SPAG1: variants seen among roughly 807,000 people sequenced by gnomAD.
The protein encoded by SPAG1 is sperm associated antigen 1.
In SPAG1, 69 loss-of-function variants were observed where a neutral mutation model predicts 100.5. That is an observed-to-expected ratio of 0.69 (90% CI 0.57 to 0.84). The LOEUF (loss-of-function observed/expected upper bound fraction) is 0.84, where lower values mean the gene tolerates loss of function less well. Among genes scored for constraint, SPAG1 ranks in the 40% least tolerant of loss-of-function variants. The pLI, the probability that SPAG1 is intolerant of heterozygous loss-of-function variation, is 0.00. For missense variants in SPAG1, 955 were observed against 1,133.1 expected (o/e 0.84, Z 2.26); for synonymous variants, 336 against 411.6 (o/e 0.82, Z 2.22).
chr8:100,162,523 C>T (rs1320142025), intron 2 of SPAG1, 103 bp downstream of exon 2: 2 of 981,416 alleles, frequency 2.0e-6, no homozygotes, highest in Non-Finnish European at 2.9e-6. Context: ...TGTTTTTGCC[C>T]ATGCATGGTA....
Position 100,212,959 on chromosome 8 carries a change from C to T in SPAG1, c.1097-131C>T, listed in dbSNP as rs568522313. ...GGTCCGGCAGCACAGGCTCCGCCCG[C>T]AGGGGCGGTGCCCGAGCCGGCTTCC... is the stretch of plus-strand genomic sequence containing the variant. On this transcript the variant is annotated intron_variant, in intron 10 of 18. Transcript: ENST00000388798. 1.9e-5 allele frequency: 13 copies of T among 673,314 alleles called. No individual in the cohort carries two copies. In the South Asian group the frequency reaches 3.1e-4, roughly 16 times the overall value. 41.7% of individuals were successfully genotyped at this position (673,314 alleles called of 1,614,324 possible).
chr8:100,202,544 A>G (rs1817325248), intron 10 of SPAG1, among the ~76,000 whole-genome samples: 1 of 150,204 alleles, frequency 6.7e-6, no homozygotes, highest in Admixed American at 6.6e-5. Context: ...CCCCGTCTCT[A>G]CTAAAAATAC....
At chr8:100,188,462 A>C (rs559560623) in intron 8 of SPAG1, among the ~76,000 whole-genome samples, 3 of 152,264 alleles carry the variant, frequency 2.0e-5, no homozygotes, top group Non-Finnish European at 4.4e-5. Context: ...GCCTGCTATA[A>C]ATAATTTAAT....
intron 10 of SPAG1, among the ~76,000 whole-genome samples, chr8:100,202,537 C>T (rs866704976): frequency 6.7e-6 from 1 of 149,656 alleles, no homozygotes; most frequent in Non-Finnish European, 1.5e-5. Context: ...GGTGAAACCC[C>T]GTCTCTACTA....
At chr8:100,212,960 AGGGGCGGTGCCC>A (rs1817782363) in intron 10 of SPAG1, 118 bp from the exon 11 acceptor site, 1 of 666,900 alleles carries the variant, frequency 1.5e-6, no homozygotes, top group African/African-American at 2.0e-5. Context: ...CTCCGCCCGC[AGGGGCGGTGCCC>A]GAGCCGGCTT....
At chr8:100,213,479 C>T (rs1413892761) in intron 11 of SPAG1, 51 bp downstream of exon 11, 1 of 1,333,946 alleles carries the variant, frequency 7.5e-7, no homozygotes, top group Non-Finnish European at 9.6e-7. Flanking sequence ...CTGCGGTTCA[C>T]CCGACCTCCG....
chr8:100,168,892 G>T (rs1010004631), intron 3 of SPAG1, among the ~76,000 whole-genome samples: 1 of 151,748 alleles, frequency 6.6e-6, no homozygotes, highest in African/African-American at 2.4e-5. Context: ...TCTCCATGTT[G>T]GTCAGGCTGG....
chr8:100,225,009 CTT>C (rs1818443776), intron 13 of SPAG1, among the ~76,000 whole-genome samples, 162 bp from the exon 14 acceptor site: 1 of 152,016 alleles, frequency 6.6e-6, no homozygotes, highest in Admixed American at 6.6e-5. Context: ...TTGTAAATAT[CTT>C]TTTGAAAACA....
intron 14 of SPAG1, among the ~76,000 whole-genome samples, chr8:100,229,934 G>A (rs1818689598): frequency 6.6e-6 from 1 of 152,138 alleles, no homozygotes; most frequent in Non-Finnish European, 1.5e-5. Flanking sequence ...TGCTCTGATG[G>A]CCCCATTTTC....
rs1817827349 is a variant in SPAG1 at position 100,213,417 on chromosome 8, T to C, written c.1424T>C (p.Leu475Pro). Reference sequence around the variant, plus strand: ...AAGTACTCGGCGGCAATCGCGCTCCTGGAGCCAGCAGGTAGGTGCGCCGCG... The same window carrying C: ...AAGTACTCGGCGGCAATCGCGCTCCCGGAGCCAGCAGGTAGGTGCGCCGCG... ...AGKYSAAIAL[L>P]EPAGSEIADD... Residue 475 changes from leucine (L) to proline (P), a missense_variant, in exon 11 of 19, where the codon CTG (leucine) becomes CCG (proline). Physicochemically the swap from Leu to Pro is moderately conservative, Grantham distance 98. Coordinates refer to ENST00000388798, the MANE Select transcript of SPAG1 (RefSeq NM_003114.5). 2 of 1,424,628 alleles carry C rather than the reference T, an allele frequency of 1.4e-6. No homozygotes were observed. The highest frequency in any genetic ancestry group is 1.5e-5 in the South Asian group (1 of 68,826). 88.2% of individuals were successfully genotyped at this position (1,424,628 alleles called of 1,614,324 possible). A position where few individuals can be genotyped will look rare whatever the true frequency, so the allele number is the denominator to read the frequency against.
chr8:100,239,342 C>T lies in SPAG1; in HGVS notation c.2218C>T (p.Leu740Phe), dbSNP rs544402046. The T allele has an allele frequency of 2.5e-6, 4 of 1,588,310 alleles. No individual in the cohort carries two copies. The East Asian group carries it at 6.8e-5, about 27-fold the overall frequency. ...ELEEVTRLLN[L>F]KDKTAPFNKE... The stretch of plus-strand genomic sequence containing the variant: ...GGAAGAGGTAACTAGACTCCTTAAT[C>T]TTAAGGATAAGACAGCACCATTCAA... Residue 740 changes from leucine to phenylalanine, a missense_variant, in exon 17 of 19, where the codon CTT (leucine) becomes TTT (phenylalanine). Physicochemically the swap from Leu to Phe is conservative, Grantham distance 22. Coordinates refer to ENST00000388798, the MANE Select transcript of SPAG1 (RefSeq NM_003114.5). The surrounding 1 kb of genome is among the most constrained non-coding windows in gnomAD (Gnocchi z 5.0).
intron 14 of SPAG1, among the ~76,000 whole-genome samples, chr8:100,229,500 T>C (rs1215183324): frequency 6.6e-6 from 1 of 152,192 alleles, no homozygotes; most frequent in Non-Finnish European, 1.5e-5. Flanking sequence ...GGCTTTTTAA[T>C]CTGTTATTCT....
intron 10 of SPAG1, among the ~76,000 whole-genome samples, chr8:100,200,791 G>A (rs1323528568): frequency 4.6e-5 from 7 of 151,654 alleles, no homozygotes; most frequent in East Asian, 1.9e-4. Flanking sequence ...TTTTGATGGG[G>A]TTGTTTGTTT....
At chr8:100,175,191 G>A (rs1586407010) in intron 3 of SPAG1, among the ~76,000 whole-genome samples, 1 of 151,618 alleles carries the variant, frequency 6.6e-6, no homozygotes, top group Non-Finnish European at 1.5e-5. Context: ...ATCTTCAATG[G>A]TGTAGTCCTT....
At chr8:100,227,793 G>A (rs1212108738) in intron 14 of SPAG1, among the ~76,000 whole-genome samples, 3 of 149,546 alleles carry the variant, frequency 2.0e-5, no homozygotes, top group Admixed American at 6.6e-5. Context: ...CTATTTCAGG[G>A]TTTATATACC....
intron 10 of SPAG1, among the ~76,000 whole-genome samples, chr8:100,210,668 C>T (rs1817682316): frequency 1.3e-5 from 2 of 152,164 alleles, no homozygotes; most frequent in South Asian, 4.2e-4. Flanking sequence ...TTTGAGTGAT[C>T]CCATCCACAT....
intron 2 of SPAG1, chr8:100,165,428 C>T: frequency 2.4e-6 from 1 of 420,752 alleles, no homozygotes; most frequent in Non-Finnish European, 4.7e-6. Context: ...ACTTTGTACG[C>T]CAGCCGCGGG....
intron 8 of SPAG1, 91 bp downstream of exon 8, chr8:100,187,341 A>G (rs1033271998): frequency 2.7e-6 from 3 of 1,095,538 alleles, no homozygotes; most frequent in Non-Finnish European, 3.7e-6. Context: ...CATTAAAAAT[A>G]TTTCAGATAA....
intron 10 of SPAG1, 117 bp downstream of exon 10, chr8:100,194,385 T>C: frequency 7.1e-7 from 1 of 1,416,890 alleles, no homozygotes; most frequent in Middle Eastern, 1.8e-4. Flanking sequence ...AGCTTTGCCT[T>C]GTAAATTCAC....
Sources: allele counts gnomAD v4.1 joint callset (sites outside exome capture counted in the v4.1 genomes callset), GRCh38; gene constraint gnomAD v4.1.1; non-coding constraint Gnocchi (gnomAD v3.1); transcripts MANE v1.5; gene names NCBI Gene and HGNC (gene_info 2026-07-23, HGNC 2026-07-21).